MAPK10: variants seen among roughly 807,000 people sequenced by gnomAD.
MAPK10 encodes the protein JNK3 alpha protein kinase.
In MAPK10, 25 loss-of-function variants were observed where a neutral mutation model predicts 59.3. The ratio of observed to expected loss-of-function variants is 0.42; its 90% confidence interval spans 0.31 to 0.59. MAPK10 has a LOEUF of 0.59. Among genes scored for constraint, MAPK10 ranks in the 20% least tolerant of loss-of-function variants. MAPK10 has a pLI of 0.15. For missense variants in MAPK10, 351 were observed against 568.9 expected, an observed-to-expected ratio of 0.62 and a Z score of 3.90; for synonymous variants, 190 against 200.5, an observed-to-expected ratio of 0.95 and a Z score of 0.44.
intron 4 of MAPK10, among the ~76,000 whole-genome samples, chr4:86,140,677 GT>G (rs2063447102): frequency 6.6e-6 from 1 of 150,620 alleles, no homozygotes; most frequent in South Asian, 2.1e-4. Flanking sequence ...AAAACTTAAA[GT>G]ATAATAATAA....
At chr4:86,213,600 T>C (rs1454319922) in intron 2 of MAPK10, among the ~76,000 whole-genome samples, 1 of 152,022 alleles carries the variant, frequency 6.6e-6, no homozygotes, top group African/African-American at 2.4e-5. Context: ...TGCCAACAAA[T>C]TGCTTGAACT....
At chr4:86,302,386 T>A (rs1012595013) in intron 2 of MAPK10, among the ~76,000 whole-genome samples, 4 of 152,182 alleles carry the variant, frequency 2.6e-5, no homozygotes, top group African/African-American at 9.6e-5. Flanking sequence ...GTATTCAGGA[T>A]AAGAAACAAT....
chr4:86,265,838 T>C (rs1160224423), intron 2 of MAPK10, among the ~76,000 whole-genome samples: 1 of 152,186 alleles, frequency 6.6e-6, no homozygotes, highest in Non-Finnish European at 1.5e-5. Flanking sequence ...GCTATTTCAA[T>C]GTCAAAGTGA....
chr4:86,319,265 AG>A (rs1390323447), intron 2 of MAPK10, among the ~76,000 whole-genome samples: 2 of 152,126 alleles, frequency 1.3e-5, no homozygotes, highest in Non-Finnish European at 1.5e-5. Context: ...TAAAGGGAGA[AG>A]CCGTGCCGGG....
At chr4:86,300,975 G>A (rs924780531) in intron 2 of MAPK10, 3 of 151,974 alleles carry the variant, frequency 2.0e-5, no homozygotes, top group African/African-American at 7.3e-5. Context: ...GGCATAGGGT[G>A]TGATTCTGAA....
intron 2 of MAPK10, among the ~76,000 whole-genome samples, chr4:86,314,968 G>A (rs1210682017): frequency 3.3e-5 from 5 of 151,494 alleles, no homozygotes; most frequent in African/African-American, 1.2e-4. Context: ...CCTTATTAAT[G>A]AACATTTTAA....
Position 86,517,094 on chromosome 4 carries a change from T to C in MAPK10, c.-263+76816A>G, listed in dbSNP as rs935692819. ...ACCTTAAGGTATGTCCCTTCTTTGC[T>C]GATTTTGCTGAGAGTTTTAATCATA... On this transcript the variant is annotated intron_variant, in intron 1 of 4. Transcript: ENST00000502302. Among the ~76,000 whole-genome samples the C allele has an allele frequency of 2.6e-5, 4 of 151,898 alleles. No homozygotes were observed. The East Asian group carries it at 7.7e-4, about 29-fold the overall frequency.
At chr4:86,247,683 C>A (rs6531906) in intron 2 of MAPK10, among the ~76,000 whole-genome samples, 1 of 151,858 alleles carries the variant, frequency 6.6e-6, no homozygotes, top group African/African-American at 2.4e-5. Context: ...GGTGATCTGA[C>A]AATACAGAAA....
chr4:86,445,637 A>G (rs1455395082), intron 1 of MAPK10, among the ~76,000 whole-genome samples: 1 of 152,196 alleles, frequency 6.6e-6, no homozygotes, highest in East Asian at 1.9e-4. Flanking sequence ...AGCCAGAGGG[A>G]AAAAACACTT....
At chr4:86,324,109 T>C (rs1376571312) in intron 2 of MAPK10, among the ~76,000 whole-genome samples, 1 of 152,130 alleles carries the variant, frequency 6.6e-6, no homozygotes, top group Non-Finnish European at 1.5e-5. Context: ...TTTTATACAT[T>C]ATAAGAGCTA....
At chr4:86,528,063 C>T (rs1344125928) in intron 1 of MAPK10, among the ~76,000 whole-genome samples, 1 of 152,118 alleles carries the variant, frequency 6.6e-6, no homozygotes, top group African/African-American at 2.4e-5. Context: ...CTCACTACCT[C>T]GGTGATGGGA....
At chr4:86,165,498 C>CTTCTGATA (rs1278723760) in intron 3 of MAPK10, among the ~76,000 whole-genome samples, 2 of 149,486 alleles carry the variant, frequency 1.3e-5, no homozygotes, top group African/African-American at 4.9e-5. Flanking sequence ...CCACCTCAGC[C>CTTCTGATA]TTCTGATAGC....
upstream of MAPK10, among the ~76,000 whole-genome samples, chr4:86,457,303 C>T (rs1349070729): frequency 1.3e-5 from 2 of 152,114 alleles, no homozygotes; most frequent in African/African-American, 4.8e-5. Context: ...GAAGTCCTAG[C>T]CAGAGCAACC....
At chr4:86,572,765 C>A (rs1351544833) in intron 1 of MAPK10, among the ~76,000 whole-genome samples, 1 of 152,128 alleles carries the variant, frequency 6.6e-6, no homozygotes, top group East Asian at 1.9e-4. Flanking sequence ...GCATTCCCAC[C>A]AGCAACATTT....
intron 4 of MAPK10, among the ~76,000 whole-genome samples, chr4:86,108,894 T>C (rs1327914096): frequency 2.0e-5 from 3 of 152,148 alleles, no homozygotes; most frequent in Non-Finnish European, 4.4e-5. Context: ...TTAGCATTTT[T>C]CCCCTAAGTC....
At chr4:86,166,096 G>C (rs914568715) in intron 3 of MAPK10, among the ~76,000 whole-genome samples, 1 of 152,182 alleles carries the variant, frequency 6.6e-6, no homozygotes, top group African/African-American at 2.4e-5. Flanking sequence ...AACTAATACT[G>C]CTTGAATACT....
chr4:86,029,447 A>G (rs1266505669), intron 12 of MAPK10, among the ~76,000 whole-genome samples, 173 bp from the exon 13 acceptor site: 1 of 152,142 alleles, frequency 6.6e-6, no homozygotes, highest in African/African-American at 2.4e-5. Context: ...ATTAGCAGAG[A>G]GCCTGGCACA....
intron 2 of MAPK10, among the ~76,000 whole-genome samples, chr4:86,253,775 T>C (rs1393616064): frequency 8.7e-5 from 7 of 80,558 alleles, no homozygotes; most frequent in Non-Finnish European, 1.6e-4. Context: ...GTACCTCTGG[T>C]AGAATTCGGC....
chr4:86,103,175 T>G lies in MAPK10; in HGVS notation c.425+11A>C, dbSNP rs745990148. 8.7e-6 allele frequency: 14 copies of G among 1,606,826 alleles called. No homozygotes were observed. Among genetic ancestry groups the G allele is most frequent in the Non-Finnish European group, 1.0e-5 (12 of 1,174,036 alleles). On this transcript the variant is annotated intron_variant, in intron 6 of 13. Transcript: ENST00000641462. ...TGTGCTCTCCCTTCCTTCATGAGTT[T>G]TGTTACTTACACATCTTGGAACTCC...
Sources: allele counts gnomAD v4.1 joint callset (sites outside exome capture counted in the v4.1 genomes callset), GRCh38; gene constraint gnomAD v4.1.1; transcripts MANE v1.5; gene names NCBI Gene and HGNC (gene_info 2026-07-23, HGNC 2026-07-21).